The following P3H2 variants were observed in gnomAD, a reference collection of about 807,000 sequenced individuals.
P3H2 encodes the protein prolyl 3-hydroxylase 2, also known as leprecan-like 1.
In P3H2, 80 loss-of-function variants were observed where a neutral mutation model predicts 87.0. The observed-to-expected ratio is 0.92, with a 90% confidence interval of 0.77 to 1.11. The LOEUF (loss-of-function observed/expected upper bound fraction) is 1.11, where lower values mean the gene tolerates loss of function less well. Ranked by LOEUF, P3H2 falls within the 50% of genes least tolerant of loss-of-function variation. The probability of loss-of-function intolerance (pLI) is 0.00; values close to 1 mark genes in which losing one functional copy is unlikely to be tolerated. For synonymous variants in P3H2, 367 were observed against 359.3 expected (o/e 1.02, Z -0.24); for missense variants, 1,001 against 923.9 (o/e 1.08, Z -1.08).
intron 3 of P3H2, among the ~76,000 whole-genome samples, chr3:189,992,799 T>G (rs1271929899): frequency 6.6e-6 from 1 of 152,210 alleles, no homozygotes. Flanking sequence ...TTGCTACATA[T>G]GTGTTGGTTA....
intron 1 of P3H2, among the ~76,000 whole-genome samples, chr3:190,019,463 T>C (rs1724867613): frequency 6.6e-6 from 1 of 152,184 alleles, no homozygotes; most frequent in South Asian, 2.1e-4. Flanking sequence ...TCTTACATGA[T>C]GAGACTAAAT....
chr3:190,025,439 C>G lies in P3H2; in HGVS notation c.481-29997G>C, dbSNP rs186832808. ...CTAAACTGGCTGGATTTTAATTTAACTGGTAATTTAGTAGGTTTGTTTTCT... is the reference window on the plus strand; with the variant it reads ...CTAAACTGGCTGGATTTTAATTTAAGTGGTAATTTAGTAGGTTTGTTTTCT... On this transcript the variant is annotated intron_variant, in intron 1 of 14. Coordinates refer to ENST00000319332, the MANE Select transcript of P3H2 (RefSeq NM_018192.4). 3.9e-3 allele frequency among the ~76,000 whole-genome samples: 587 copies of G among 152,234 alleles called. 5 individuals carry two copies. The highest frequency in any genetic ancestry group is 0.014 in the African/African-American group (561 of 41,532).
intron 1 of P3H2, among the ~76,000 whole-genome samples, chr3:190,075,233 C>T (rs112479769): frequency 2.0e-5 from 3 of 152,174 alleles, no homozygotes; most frequent in Non-Finnish European, 4.4e-5. Context: ...TGCCAGGAAT[C>T]CCAGCACTTT....
chr3:190,034,917 C>T (rs7642140), intron 1 of P3H2, among the ~76,000 whole-genome samples: 2,113 of 145,134 alleles, frequency 0.015, 37 homozygotes, highest in African/African-American at 0.05. Context: ...GGTGTGATCT[C>T]GGCTCACTGC....
intron 1 of P3H2, among the ~76,000 whole-genome samples, chr3:190,042,133 T>G (rs887411267): frequency 1.3e-5 from 2 of 152,124 alleles, no homozygotes; most frequent in Non-Finnish European, 2.9e-5. Flanking sequence ...AGAAAATTAT[T>G]TATTTTGGTT....
intron 1 of P3H2, among the ~76,000 whole-genome samples, chr3:190,052,489 T>C (rs1053400548): frequency 2.0e-5 from 3 of 152,196 alleles, no homozygotes; most frequent in Admixed American, 6.5e-5. Flanking sequence ...AAGTGAACTA[T>C]ACTACAGAGT....
At chr3:190,073,467 A>C (rs1247131411) in intron 1 of P3H2, among the ~76,000 whole-genome samples, 1 of 152,184 alleles carries the variant, frequency 6.6e-6, no homozygotes, top group African/African-American at 2.4e-5. Context: ...TTCTGAGCTA[A>C]TCAGTTACAG....
rs144156698 is a variant in P3H2 at position 190,030,749 on chromosome 3, A to G, written c.481-35307T>C. On this transcript the variant is annotated intron_variant, in intron 1 of 14. Coordinates refer to ENST00000319332, the MANE Select transcript of P3H2 (RefSeq NM_018192.4). ...AACTAAAATAATCTGTTAGTGAGAG[A>G]AAATGGGAGAAAATAATCAGTGGAA... Among the ~76,000 whole-genome samples the G allele has an allele frequency of 7.7e-4, 117 of 152,322 alleles. No homozygotes were observed. In the East Asian group the frequency reaches 0.02, roughly 27 times the overall value.
At chr3:190,104,021 A>C (rs913884944) in intron 1 of P3H2, among the ~76,000 whole-genome samples, 1 of 151,998 alleles carries the variant, frequency 6.6e-6, no homozygotes, top group African/African-American at 2.4e-5. Context: ...TGAACTCATG[A>C]CCTCAAGTGA....
intron 1 of P3H2, among the ~76,000 whole-genome samples, chr3:190,045,983 C>T (rs1666404): frequency 0.62 from 94,941 of 151,914 alleles, 30,269 homozygotes; most frequent in Admixed American, 0.73. Context: ...ATTAGCCAGC[C>T]GTGGTGGCGG....
chr3:190,040,782 C>T (rs1725582458), intron 1 of P3H2, among the ~76,000 whole-genome samples: 1 of 151,752 alleles, frequency 6.6e-6, no homozygotes, highest in African/African-American at 2.4e-5. Context: ...GATTAGCATG[C>T]AATCCATTCA....
At chr3:190,053,767 T>C (rs1329292711) in intron 1 of P3H2, among the ~76,000 whole-genome samples, 3 of 152,172 alleles carry the variant, frequency 2.0e-5, no homozygotes, top group Non-Finnish European at 4.4e-5. Context: ...CAAAAGTGTC[T>C]TTTGAAGAAC....
At chr3:190,121,066 G>A, upstream of P3H2, 2 of 334,276 alleles carry the variant, frequency 6.0e-6, no homozygotes, top group Non-Finnish European at 1.1e-5. Context: ...GCTTGAGGCC[G>A]GCCGGGGACG....
chr3:190,003,307 T>A (rs1724273282), intron 1 of P3H2, among the ~76,000 whole-genome samples: 1 of 152,178 alleles, frequency 6.6e-6, no homozygotes, highest in Non-Finnish European at 1.5e-5. Context: ...TAATGGTGAA[T>A]AGCCATGGCC....
In P3H2 at chr3:190,061,873, T is replaced by C. The variant is rs73890186; in HGVS notation, c.480+58379A>G. Among the ~76,000 whole-genome samples, 371 of 152,312 alleles carry C rather than the reference T, an allele frequency of 2.4e-3. 2 individuals are homozygous for C. The highest frequency in any genetic ancestry group is 8.6e-3 in the African/African-American group (359 of 41,588). ...GACTTTGAGAAAGTTCCTCAGTCTG[T>C]CCAGGCTTTTGTTTCTTTTCTTGGT... is the stretch of plus-strand genomic sequence containing the variant. On this transcript the variant is annotated intron_variant, in intron 1 of 14. Transcript: ENST00000319332.
chr3:190,001,608 A>G (rs1372128475), intron 1 of P3H2, among the ~76,000 whole-genome samples: 1 of 152,216 alleles, frequency 6.6e-6, no homozygotes, highest in Non-Finnish European at 1.5e-5. Flanking sequence ...TCCTGTTTCT[A>G]AGCCACAGCG....
chr3:190,070,480 C>A (rs1372262775), intron 1 of P3H2, among the ~76,000 whole-genome samples: 3 of 152,116 alleles, frequency 2.0e-5, no homozygotes, highest in African/African-American at 7.2e-5. Flanking sequence ...AAGTGTCCTT[C>A]ATGAGGGTAT....
At chr3:190,094,241 A>G (rs1727501375) in intron 1 of P3H2, among the ~76,000 whole-genome samples, 1 of 152,252 alleles carries the variant, frequency 6.6e-6, no homozygotes, top group Admixed American at 6.5e-5. Context: ...TCTTGGACCA[A>G]GTCCTCATGA....
At position 189,964,060 on chromosome 3, in the gene P3H2, G is replaced by C; in HGVS notation, c.1932C>G (p.Phe644Leu). The change falls in exon 14 of 15, where the codon TTC (phenylalanine) becomes TTG (leucine). Residue 644 changes from phenylalanine (F) to leucine (L), a missense_variant. By Grantham distance (22) the Phe-to-Leu change is conservative. Coordinates refer to ENST00000319332, the MANE Select transcript of P3H2 (RefSeq NM_018192.4). ...CATGAGGGTTCTCTCCTCCAGATGA[G>C]AAGCTGATCATGCGCCCACATTTTG... Reference protein sequence around the residue: ...IKPKCGRMISFSSGGENPHGV... With the variant: ...IKPKCGRMISLSSGGENPHGV... The C allele has an allele frequency of 6.2e-7, 1 of 1,614,184 alleles. No individual in the cohort carries two copies. The highest frequency in any genetic ancestry group is 8.5e-7 in the Non-Finnish European group (1 of 1,180,020).
Sources: allele counts gnomAD v4.1 joint callset (sites outside exome capture counted in the v4.1 genomes callset), GRCh38; gene constraint gnomAD v4.1.1; transcripts MANE v1.5; gene names NCBI Gene and HGNC (gene_info 2026-07-23, HGNC 2026-07-21).